Variants in NRG3 observed in about 807,000 individuals in gnomAD.
The protein encoded by NRG3 is neuregulin 3.
NRG3 carries 31 observed loss-of-function variants against 66.9 expected under a neutral mutation model. The ratio of observed to expected loss-of-function variants is 0.46; its 90% CI spans 0.35 to 0.63. The LOEUF (loss-of-function observed/expected upper bound fraction) is 0.63, where lower values mean the gene tolerates loss of function less well. Ranked by LOEUF, NRG3 falls within the 20% of genes least tolerant of loss-of-function variation. NRG3 has a pLI of 0.00. For missense variants in NRG3, 910 were observed against 878.9 expected (o/e 1.04, Z -0.45); for synonymous variants, 393 against 359.4 (o/e 1.09, Z -1.06).
At chr10:82,599,209 T>A (rs2047468950) in intron 2 of NRG3, among the ~76,000 whole-genome samples, 1 of 152,102 alleles carries the variant, frequency 6.6e-6, no homozygotes, top group Admixed American at 6.6e-5. Flanking sequence ...GTTATACATA[T>A]GGGAGGACAA....
intron 6 of NRG3, among the ~76,000 whole-genome samples, chr10:82,960,130 T>A (rs1396842193): frequency 6.6e-6 from 1 of 152,242 alleles, no homozygotes; most frequent in East Asian, 1.9e-4. Context: ...GTCGCTATTA[T>A]GATGTCCATA....
chr10:82,190,517 A>G (rs576732162), intron 1 of NRG3, among the ~76,000 whole-genome samples: 6 of 152,058 alleles, frequency 3.9e-5, no homozygotes, highest in Non-Finnish European at 7.4e-5. Context: ...CTGTAAAAAC[A>G]TGTGATTTTT....
chr10:82,350,645 A>G (rs1279062454), intron 1 of NRG3, among the ~76,000 whole-genome samples: 1 of 152,178 alleles, frequency 6.6e-6, no homozygotes, highest in Non-Finnish European at 1.5e-5. Flanking sequence ...TGTATGAGGT[A>G]AAGGGAATAG....
intron 3 of NRG3, among the ~76,000 whole-genome samples, chr10:82,778,411 A>G (rs2059988137): frequency 6.6e-6 from 1 of 152,186 alleles, no homozygotes; most frequent in Admixed American, 6.5e-5. Flanking sequence ...CAATCATGGC[A>G]GAAGGCAGAG....
At chr10:82,452,497 T>G (rs532721327) in intron 2 of NRG3, among the ~76,000 whole-genome samples, 21 of 152,208 alleles carry the variant, frequency 1.4e-4, no homozygotes, top group Non-Finnish European at 3.1e-4. Flanking sequence ...AAGTTGAAAT[T>G]CCTTTTTGTT....
chr10:82,824,530 T>C (rs1048947634), intron 3 of NRG3, among the ~76,000 whole-genome samples: 1 of 152,190 alleles, frequency 6.6e-6, no homozygotes, highest in African/African-American at 2.4e-5. Context: ...TTCCCATTAC[T>C]TGCTATTACC....
At chr10:82,182,176 T>G (rs181580978) in intron 1 of NRG3, among the ~76,000 whole-genome samples, 8 of 150,086 alleles carry the variant, frequency 5.3e-5, no homozygotes, top group South Asian at 4.3e-4. Flanking sequence ...CAGCAGATAA[T>G]TGTATCTTTT....
chr10:82,018,748 G>C (rs375237492), intron 1 of NRG3, among the ~76,000 whole-genome samples: 2 of 152,072 alleles, frequency 1.3e-5, no homozygotes, highest in African/African-American at 4.8e-5. Context: ...TCTGTTATTG[G>C]TGTATAAGAA....
chr10:81,969,268 C>A (rs905791604), intron 1 of NRG3, among the ~76,000 whole-genome samples: 6 of 152,056 alleles, frequency 3.9e-5, no homozygotes, highest in African/African-American at 1.4e-4. Flanking sequence ...TAGAAGGAAC[C>A]AATAACCAGC....
At chr10:82,685,990 C>T (rs1054085293) in intron 2 of NRG3, among the ~76,000 whole-genome samples, 1 of 152,196 alleles carries the variant, frequency 6.6e-6, no homozygotes, top group Middle Eastern at 3.4e-3. Context: ...TGGAATGCTT[C>T]CTGAACGAAC....
At chr10:82,165,366 G>A (rs1253563241) in intron 1 of NRG3, among the ~76,000 whole-genome samples, 1 of 151,972 alleles carries the variant, frequency 6.6e-6, no homozygotes, top group African/African-American at 2.4e-5. Flanking sequence ...AGTCTCATTA[G>A]GATTACATAA....
chr10:82,221,209 A>G (rs766507236), intron 1 of NRG3, among the ~76,000 whole-genome samples: 49 of 151,336 alleles, frequency 3.2e-4, no homozygotes, highest in Non-Finnish European at 5.0e-4. Context: ...TTCTAGACAT[A>G]TATTTTAATT....
At chr10:82,231,907 A>T (rs140914170) in intron 1 of NRG3, among the ~76,000 whole-genome samples, 1 of 152,246 alleles carries the variant, frequency 6.6e-6, no homozygotes, top group African/African-American at 2.4e-5. Context: ...AATTAAGAAC[A>T]TTTAAAAAAT....
At chr10:82,224,824 G>A (rs1298999313) in intron 1 of NRG3, among the ~76,000 whole-genome samples, 1 of 151,942 alleles carries the variant, frequency 6.6e-6, no homozygotes, top group Non-Finnish European at 1.5e-5. Context: ...AAAATCATAG[G>A]AAAGAGGGTT....
chr10:82,003,620 C>T (rs534379923), intron 1 of NRG3, among the ~76,000 whole-genome samples: 80 of 152,110 alleles, frequency 5.3e-4, no homozygotes, highest in African/African-American at 1.4e-3. Flanking sequence ...TGTTTAAAGT[C>T]GAGAAGGATG....
intron 2 of NRG3, among the ~76,000 whole-genome samples, chr10:82,378,107 T>G (rs2085372733): frequency 6.6e-6 from 1 of 152,208 alleles, no homozygotes; most frequent in Non-Finnish European, 1.5e-5. Context: ...GTTTCGTTTG[T>G]TTTTTCTTAC....
intron 2 of NRG3, among the ~76,000 whole-genome samples, chr10:82,440,573 ATATCT>A (rs144097813): frequency 3.2e-3 from 486 of 152,000 alleles, no homozygotes; most frequent in African/African-American, 0.011. Flanking sequence ...GATGTGGCTA[ATATCT>A]TATCTGTAAC....
intron 2 of NRG3, among the ~76,000 whole-genome samples, chr10:82,705,768 C>T (rs536424936): frequency 3.9e-5 from 6 of 152,280 alleles, no homozygotes; most frequent in Non-Finnish European, 8.8e-5. Flanking sequence ...AAGTGATCCA[C>T]CCATGTTAAA....
chr10:82,939,978 G>C (rs1213332847), intron 4 of NRG3, among the ~76,000 whole-genome samples: 1 of 151,798 alleles, frequency 6.6e-6, no homozygotes, highest in Non-Finnish European at 1.5e-5. Flanking sequence ...TTTGTAGTGA[G>C]GCCCTAGTGC....
Sources: allele counts gnomAD v4.1 joint callset (sites outside exome capture counted in the v4.1 genomes callset), GRCh38; gene constraint gnomAD v4.1.1; transcripts MANE v1.5; gene names NCBI Gene and HGNC (gene_info 2026-07-23, HGNC 2026-07-21).